The following GPATCH8 variants were observed in gnomAD, a reference collection of about 807,000 sequenced individuals.
GPATCH8 encodes G patch domain-containing protein 8.
Under a neutral mutation model 118.3 loss-of-function variants are expected in GPATCH8, and 18 were observed. The observed-to-expected ratio is 0.15, with a 90% confidence interval of 0.11 to 0.23. The LOEUF (loss-of-function observed/expected upper bound fraction) is 0.23, where lower values mean the gene tolerates loss of function less well. GPATCH8 is among the 10% of genes least tolerant of loss of function. The pLI, the probability that GPATCH8 is intolerant of heterozygous loss-of-function variation, is 1.00. For synonymous variants in GPATCH8, 659 were observed against 684.7 expected, an observed-to-expected ratio of 0.96 and a Z score of 0.59; for missense variants, 1,631 against 1,873.8, an observed-to-expected ratio of 0.87 and a Z score of 2.39.
intron 1 of GPATCH8, among the ~76,000 whole-genome samples, chr17:44,489,161 T>C (rs762969038): frequency 1.3e-5 from 2 of 152,064 alleles, no homozygotes; most frequent in African/African-American, 2.4e-5. Flanking sequence ...ATCAAACTGC[T>C]AGAAAATGTG....
chr17:44,432,955 C>T (rs2050372268), intron 5 of GPATCH8, among the ~76,000 whole-genome samples: 1 of 152,124 alleles, frequency 6.6e-6, no homozygotes, highest in Non-Finnish European at 1.5e-5. Flanking sequence ...CCTCCCAATT[C>T]AGCTTCTCTA....
chr17:44,398,567 T>C lies in GPATCH8; in HGVS notation c.3510A>G (p.Glu1170=), dbSNP rs189272370. ...KCEESGLERG[E]EQEQSETEEG... ...CTTCTGTCTCTGACTGTTCTTGCTC[T>C]TCCCCCCTTTCCAAGCCAGACTCTT... Residue 1170 remains glutamate (E), a synonymous_variant, in exon 8 of 8, where the codon GAA becomes GAG. Transcript: ENST00000591680. 2 of 1,568,984 alleles carry C rather than the reference T, an allele frequency of 1.3e-6. No individual in the cohort carries two copies.
At chr17:44,414,133 A>ATATATG (rs1567955680) in intron 6 of GPATCH8, among the ~76,000 whole-genome samples, 1 of 30,454 alleles carries the variant, frequency 3.3e-5, no homozygotes, top group African/African-American at 9.1e-5. Context: ...ATATGTGTAT[A>ATATATG]TATATATATG....
In GPATCH8 at chr17:44,503,333, T is replaced by C. The variant is rs748165749; in HGVS notation, c.38A>G (p.Asp13Gly). The C allele has an allele frequency of 1.2e-6, 2 of 1,611,028 alleles. No individual in the cohort carries two copies. The highest frequency in any genetic ancestry group is 1.7e-6 in the Non-Finnish European group (2 of 1,178,832). Residue 13 changes from aspartate to glycine, a missense_variant, in exon 1 of 8, where the codon GAC becomes GGC. Asp to Gly is a moderately conservative substitution (Grantham distance 94). Transcript: ENST00000591680. The stretch of plus-strand genomic sequence containing the variant: ...GGCGACGCCCGTGTTTACCTGAAAG[T>C]CTCGGTCTTCGTTGAAGCGGGAGAA... Reference protein sequence around the residue: ...DRFSRFNEDRDFQGNHFDQYE... With the variant: ...DRFSRFNEDRGFQGNHFDQYE...
rs1967408209 is a variant in GPATCH8 at position 44,472,883 on chromosome 17, AC to A, written c.120+1945del. Among the ~76,000 whole-genome samples, 3 of 151,428 alleles carry A rather than the reference AC, an allele frequency of 2.0e-5. No homozygotes were observed. In the South Asian group the frequency reaches 6.3e-4, roughly 32 times the overall value. ...GCTAATTTTTGTATTTTTAGTAGAG[AC>A]AGGGTTTCACCATCTTGGCCAGGCT... On this transcript the variant is annotated intron_variant, in intron 2 of 7. Transcript: ENST00000591680.
chr17:44,475,690 T>C (rs1967709031), intron 1 of GPATCH8, among the ~76,000 whole-genome samples: 1 of 151,374 alleles, frequency 6.6e-6, no homozygotes, highest in Non-Finnish European at 1.5e-5. Flanking sequence ...CGAGACTCCA[T>C]CTCAAAAACA....
chr17:44,497,746 C>A (rs1354391725), intron 1 of GPATCH8, among the ~76,000 whole-genome samples: 1 of 151,346 alleles, frequency 6.6e-6, no homozygotes, highest in Non-Finnish European at 1.5e-5. Flanking sequence ...TCAAGACCAG[C>A]CTGGGCAACA....
chr17:44,496,687 G>A (rs965550017), intron 1 of GPATCH8, among the ~76,000 whole-genome samples: 3 of 152,170 alleles, frequency 2.0e-5, no homozygotes, highest in Non-Finnish European at 4.4e-5. Flanking sequence ...CTAAATAACA[G>A]TTACGTGCTA....
rs1169591699 is a variant in GPATCH8, at chr17:44,400,593, A to G, written c.1484T>C (p.Leu495Ser). The change falls in exon 8 of 8, where the codon TTA becomes TCA. Residue 495 changes from leucine to serine, a missense_variant. Leu to Ser is a moderately radical substitution (Grantham distance 145). This residue lies in a region of GPATCH8 where 405 missense variants were observed against 462.7 expected (regional missense o/e 0.88). Transcript: ENST00000591680. Reference protein sequence around the residue: ...ALGGDVSDQSLESHSQKVSET... With the variant: ...ALGGDVSDQSSESHSQKVSET... ...TGAAACCTTCTGACTATGACTTTCT[A>G]AACTCTGATCACTTACATCCCCTCC... The G allele has an allele frequency of 1.2e-6, 2 of 1,614,146 alleles. No individual in the cohort carries two copies. The highest frequency in any genetic ancestry group is 1.7e-6 in the Non-Finnish European group (2 of 1,179,990).
chr17:44,452,181 G>A (rs1298773487), intron 3 of GPATCH8, among the ~76,000 whole-genome samples: 2 of 151,358 alleles, frequency 1.3e-5, no homozygotes, highest in Admixed American at 6.6e-5. Flanking sequence ...GCTGAGGCAG[G>A]GGAATTGCTT....
intron 6 of GPATCH8, among the ~76,000 whole-genome samples, chr17:44,423,135 G>A (rs533058366): frequency 6.6e-6 from 1 of 152,026 alleles, no homozygotes; most frequent in Non-Finnish European, 1.5e-5. Context: ...CAGCTACTCA[G>A]GAGGCTGAGG....
chr17:44,398,045 T>C lies in GPATCH8; in HGVS notation c.4032A>G (p.Pro1344=). Residue 1344 remains proline, a synonymous_variant, in exon 8 of 8, where the codon CCA becomes CCG. Coordinates refer to ENST00000591680, the MANE Select transcript of GPATCH8 (RefSeq NM_001002909.4). The part of the protein sequence containing the change: ...QLLAKQVKAF[P]ASAALAPATP... Reference sequence around the variant, plus strand: ...TGGCTGGGGCCAGGGCAGCTGAGGCTGGAAAGGCCTTTACTTGCTTGGCCA... The same window carrying C: ...TGGCTGGGGCCAGGGCAGCTGAGGCCGGAAAGGCCTTTACTTGCTTGGCCA... The C allele has an allele frequency of 3.7e-6, 6 of 1,613,996 alleles. No homozygotes were observed. The highest frequency in any genetic ancestry group is 5.1e-6 in the Non-Finnish European group (6 of 1,179,930).
chr17:44,419,574 A>G (rs1316828709), intron 6 of GPATCH8, among the ~76,000 whole-genome samples: 2 of 151,874 alleles, frequency 1.3e-5, no homozygotes, highest in Non-Finnish European at 2.9e-5. Context: ...GCAACCTCAA[A>G]CTCCTGGGCT....
intron 4 of GPATCH8, among the ~76,000 whole-genome samples, chr17:44,435,412 T>TTC (rs376590527): frequency 0.12 from 583 of 4,932 alleles, 8 homozygotes; most frequent in African/African-American, 0.3. Context: ...CTTTCTTTCC[T>TTC]TTTTTTTTTT....
chr17:44,458,751 T>TG (rs1248075532), intron 3 of GPATCH8, among the ~76,000 whole-genome samples: 1 of 152,176 alleles, frequency 6.6e-6, no homozygotes, highest in African/African-American at 2.4e-5. Flanking sequence ...CTTGAACCCT[T>TG]GGCCTCAAGT....
chr17:44,457,152 T>C (rs7218343), intron 3 of GPATCH8, among the ~76,000 whole-genome samples: 149,920 of 152,216 alleles, frequency 0.98, 73,867 homozygotes, highest in Middle Eastern at 1. Context: ...TGTGACCCAC[T>C]GCAACTGGCC....
chr17:44,422,049 A>G (rs1399297745), intron 6 of GPATCH8, among the ~76,000 whole-genome samples: 1 of 152,084 alleles, frequency 6.6e-6, no homozygotes, highest in Non-Finnish European at 1.5e-5. Context: ...CCATTTTTCC[A>G]CCTAAAATAT....
chr17:44,481,924 C>T (rs964529852), intron 1 of GPATCH8, among the ~76,000 whole-genome samples: 2 of 151,986 alleles, frequency 1.3e-5, no homozygotes, highest in Non-Finnish European at 2.9e-5. Context: ...GAATTTGAGA[C>T]CTGACTGGCC....
At position 44,405,964 on chromosome 17, in the gene GPATCH8, G is replaced by A. The variant is rs2049205550; in HGVS notation, c.580C>T (p.Arg194Trp). Reference sequence around the variant, plus strand: ...TGCTCTGCCAACTCATGGAGCCGCCGAAGGGCTTTTTCCTGTTTTTTCTCA... The same window carrying A: ...TGCTCTGCCAACTCATGGAGCCGCCAAAGGGCTTTTTCCTGTTTTTTCTCA... ...KDEKKQEKAL[R>W]RLHELAEQRK... Residue 194 changes from arginine to tryptophan, a missense_variant, in exon 7 of 8, where the codon CGG (arginine) becomes TGG (tryptophan). Arg to Trp is a moderately radical substitution (Grantham distance 101). Transcript: ENST00000591680. 3 of 1,612,268 alleles carry A rather than the reference G, an allele frequency of 1.9e-6. No individual in the cohort carries two copies. The highest frequency in any genetic ancestry group is 1.1e-5 in the South Asian group (1 of 91,038).
Sources: allele counts gnomAD v4.1 joint callset (sites outside exome capture counted in the v4.1 genomes callset), GRCh38; gene constraint gnomAD v4.1.1; regional missense constraint gnomAD v4.1.1; transcripts MANE v1.5; gene names NCBI Gene and HGNC (gene_info 2026-07-23, HGNC 2026-07-21).